Variants in NRXN1 observed in about 807,000 individuals in gnomAD.
NRXN1 encodes the protein neurexin 1.
NRXN1 carries 39 observed loss-of-function variants against 150.9 expected under a neutral mutation model. The observed-to-expected ratio is 0.26, with a 90% CI of 0.20 to 0.34. The LOEUF (loss-of-function observed/expected upper bound fraction) is 0.34, where lower values mean the gene tolerates loss of function less well. Ranked by LOEUF, NRXN1 falls within the 10% of genes least tolerant of loss-of-function variation. The probability of loss-of-function intolerance (pLI) is 1.00; values close to 1 mark genes in which losing one functional copy is unlikely to be tolerated. For synonymous variants in NRXN1, 924 were observed against 757.0 expected (o/e 1.22, Z -3.62); for missense variants, 1,815 against 1,949.9 (o/e 0.93, Z 1.30).
At chr2:50,699,888 T>G (rs561624555) in intron 5 of NRXN1, among the ~76,000 whole-genome samples, 6 of 152,154 alleles carry the variant, frequency 3.9e-5, no homozygotes, top group Non-Finnish European at 8.8e-5. Context: ...CATGGCATGT[T>G]CAATTCCAAT....
chr2:50,433,121 G>C (rs919257003), intron 17 of NRXN1, among the ~76,000 whole-genome samples: 1 of 152,190 alleles, frequency 6.6e-6, no homozygotes, highest in African/African-American at 2.4e-5. Context: ...GAAAAGCATA[G>C]TTATCACACT....
chr2:50,004,411 T>G (rs1189566383), intron 21 of NRXN1, among the ~76,000 whole-genome samples: 1 of 152,134 alleles, frequency 6.6e-6, no homozygotes, highest in Non-Finnish European at 1.5e-5. Flanking sequence ...TTCTCTGGTG[T>G]CAATTTGTAT....
At chr2:50,489,481 C>T (rs747649741) in intron 15 of NRXN1, among the ~76,000 whole-genome samples, 6 of 149,984 alleles carry the variant, frequency 4.0e-5, no homozygotes, top group East Asian at 1.9e-4. Context: ...ATATGAGCAA[C>T]GCAACTTCTA....
intron 15 of NRXN1, among the ~76,000 whole-genome samples, chr2:50,487,426 A>C (rs1195207286): frequency 1.3e-5 from 2 of 152,194 alleles, no homozygotes; most frequent in Non-Finnish European, 2.9e-5. Context: ...TCAATGGGGG[A>C]CGCTGATTGA....
chr2:50,037,803 T>G (rs1017462537), intron 21 of NRXN1, among the ~76,000 whole-genome samples: 1 of 152,136 alleles, frequency 6.6e-6, no homozygotes, highest in Non-Finnish European at 1.5e-5. Context: ...CCATAAATAC[T>G]CAACCAAGTA....
At chr2:50,349,081 TATAA>T (rs752265066) in intron 17 of NRXN1, among the ~76,000 whole-genome samples, 6 of 152,312 alleles carry the variant, frequency 3.9e-5, no homozygotes, top group African/African-American at 1.2e-4. Context: ...ATGCCCACTA[TATAA>T]ATAGTGTCCA....
chr2:50,325,616 T>C (rs1358312420), intron 17 of NRXN1, among the ~76,000 whole-genome samples: 1 of 152,192 alleles, frequency 6.6e-6, no homozygotes, highest in Non-Finnish European at 1.5e-5. Flanking sequence ...ACTGTCTTAT[T>C]CTCATGGCCA....
chr2:50,828,518 G>A (rs1224767702), intron 5 of NRXN1, among the ~76,000 whole-genome samples: 6 of 151,294 alleles, frequency 4.0e-5, no homozygotes, highest in African/African-American at 1.2e-4. Flanking sequence ...CAGACGGGGC[G>A]GCTGGGCAGA....
At chr2:50,395,871 C>T (rs369040816) in intron 17 of NRXN1, among the ~76,000 whole-genome samples, 1 of 152,192 alleles carries the variant, frequency 6.6e-6, no homozygotes, top group African/African-American at 2.4e-5. Context: ...GTGTAGAACT[C>T]ACTGCCACTA....
At chr2:50,063,480 G>A (rs1166773995) in intron 19 of NRXN1, among the ~76,000 whole-genome samples, 2 of 148,758 alleles carry the variant, frequency 1.3e-5, no homozygotes, top group Non-Finnish European at 1.5e-5. Context: ...CTTTGAACCC[G>A]ACATTCTCCT....
intron 18 of NRXN1, among the ~76,000 whole-genome samples, chr2:50,094,640 G>C (rs1316181630): frequency 1.3e-5 from 2 of 152,084 alleles, no homozygotes; most frequent in Non-Finnish European, 2.9e-5. Context: ...TTGTGCATTA[G>C]GGTTTGTTAG....
At chr2:50,899,027 C>T (rs1559412408) in intron 5 of NRXN1, among the ~76,000 whole-genome samples, 1 of 152,012 alleles carries the variant, frequency 6.6e-6, no homozygotes, top group South Asian at 2.1e-4. Context: ...GCAGACACAG[C>T]TTGAAAAAGA....
chr2:50,209,265 G>A (rs968006087), intron 18 of NRXN1, among the ~76,000 whole-genome samples: 5 of 152,228 alleles, frequency 3.3e-5, no homozygotes, highest in African/African-American at 4.8e-5. Context: ...GGACTCTAGC[G>A]TTCATTATAA....
chr2:50,200,907 C>G (rs1477541542), intron 18 of NRXN1, among the ~76,000 whole-genome samples: 1 of 151,966 alleles, frequency 6.6e-6, no homozygotes, highest in Non-Finnish European at 1.5e-5. Context: ...TTTTATCAGT[C>G]AATACTAAAT....
rs1197206861 is a variant in NRXN1 at position 49,947,671 on chromosome 2, T to A, written c.4129-3880A>T. ...GCTACCACACAATGCCTAAATATTA[T>A]AAAATACACATGACAGCTTGAAGAC... is the stretch of plus-strand genomic sequence containing the variant. On this transcript the variant is annotated intron_variant, in intron 21 of 22. Transcript: ENST00000401669. Among the ~76,000 whole-genome samples the A allele has an allele frequency of 3.3e-5, 5 of 151,830 alleles. No homozygotes were observed. The East Asian group carries it at 9.7e-4, about 29-fold the overall frequency.
intron 18 of NRXN1, among the ~76,000 whole-genome samples, chr2:50,109,026 T>C (rs1379874562): frequency 2.0e-5 from 3 of 152,140 alleles, no homozygotes; most frequent in Non-Finnish European, 4.4e-5. Context: ...GTGGCAAAGA[T>C]ATTGAGCAAA....
At chr2:50,314,307 G>T (rs934129606) in intron 17 of NRXN1, among the ~76,000 whole-genome samples, 3 of 151,678 alleles carry the variant, frequency 2.0e-5, no homozygotes, top group Admixed American at 6.6e-5. Flanking sequence ...TTCAGAGGGG[G>T]AAAAATGAAG....
chr2:50,520,899 G>T (rs1275240806), intron 12 of NRXN1, among the ~76,000 whole-genome samples: 1 of 151,830 alleles, frequency 6.6e-6, no homozygotes, highest in African/African-American at 2.4e-5. Flanking sequence ...TTCTTTACTA[G>T]AAACTTATAA....
At chr2:50,553,495 T>A (rs1444666046) in intron 8 of NRXN1, among the ~76,000 whole-genome samples, 1 of 152,224 alleles carries the variant, frequency 6.6e-6, no homozygotes, top group African/African-American at 2.4e-5. Flanking sequence ...AAATATTGGA[T>A]CTCTTCTATT....
Sources: allele counts gnomAD v4.1 joint callset (sites outside exome capture counted in the v4.1 genomes callset), GRCh38; gene constraint gnomAD v4.1.1; transcripts MANE v1.5; gene names NCBI Gene and HGNC (gene_info 2026-07-23, HGNC 2026-07-21).